The following PAPPA2 variants were observed in gnomAD, a reference collection of about 807,000 sequenced individuals.
PAPPA2 encodes pappalysin 2.
In PAPPA2, 86 loss-of-function variants were observed where a neutral mutation model predicts 176.4. The observed-to-expected ratio is 0.49, with a 90% CI of 0.41 to 0.58. PAPPA2 has a LOEUF of 0.58. Among genes scored for constraint, PAPPA2 ranks in the 20% least tolerant of loss-of-function variants. The pLI is 0.00. For missense variants in PAPPA2, 2,073 were observed against 2,256.9 expected (o/e 0.92, Z 1.65); for synonymous variants, 809 against 852.2 (o/e 0.95, Z 0.88).
intron 2 of PAPPA2, among the ~76,000 whole-genome samples, chr1:176,571,975 C>T (rs1448711843): frequency 6.6e-6 from 1 of 152,120 alleles, no homozygotes; most frequent in African/African-American, 2.4e-5. Flanking sequence ...AGATAAACCT[C>T]GAGATGAAGA....
At chr1:176,708,623 T>A (rs1660994339) in intron 10 of PAPPA2, among the ~76,000 whole-genome samples, 1 of 151,306 alleles carries the variant, frequency 6.6e-6, no homozygotes, top group African/African-American at 2.4e-5. Flanking sequence ...TTGAGTAGGT[T>A]TGGTGAAATG....
At chr1:176,691,544 A>T (rs1404861405) in intron 5 of PAPPA2, among the ~76,000 whole-genome samples, 2 of 152,226 alleles carry the variant, frequency 1.3e-5, no homozygotes, top group Non-Finnish European at 2.9e-5. Flanking sequence ...GTGAGGCAGT[A>T]TTTGACTGGT....
At chr1:176,735,864 A>G (rs570276272) in intron 12 of PAPPA2, among the ~76,000 whole-genome samples, 1 of 152,110 alleles carries the variant, frequency 6.6e-6, no homozygotes, top group South Asian at 2.1e-4. Context: ...CATGATACCA[A>G]TTCTCAGACC....
chr1:176,765,962 G>T (rs961404987), intron 15 of PAPPA2, 125 bp downstream of exon 15: 2 of 1,096,118 alleles, frequency 1.8e-6, no homozygotes, highest in Non-Finnish European at 2.6e-6. Flanking sequence ...AAACATGGGG[G>T]CTCTAACAAG....
chr1:176,614,658 G>A (rs533408711), intron 3 of PAPPA2, among the ~76,000 whole-genome samples: 3 of 152,092 alleles, frequency 2.0e-5, no homozygotes, highest in Admixed American at 6.6e-5. Context: ...TTACATGGAC[G>A]AGTTCTCTTT....
At chr1:176,781,693 A>G (rs1314926266) in intron 17 of PAPPA2, among the ~76,000 whole-genome samples, 1 of 152,008 alleles carries the variant, frequency 6.6e-6, no homozygotes, top group African/African-American at 2.4e-5. Flanking sequence ...AATGGTCTAG[A>G]TCACTGTTTC....
intron 2 of PAPPA2, among the ~76,000 whole-genome samples, chr1:176,564,078 TA>T (rs1483003660): frequency 6.6e-6 from 1 of 152,200 alleles, no homozygotes; most frequent in African/African-American, 2.4e-5. Context: ...TCCCCCCCAG[TA>T]AAATCCTACA....
At chr1:176,790,936 T>G (rs1203096956) in intron 18 of PAPPA2, among the ~76,000 whole-genome samples, 1 of 152,162 alleles carries the variant, frequency 6.6e-6, no homozygotes, top group Admixed American at 6.5e-5. Flanking sequence ...TTTCACTGGA[T>G]GAAACTCGTC....
chr1:176,603,661 T>G (rs1654451800), intron 3 of PAPPA2, among the ~76,000 whole-genome samples: 1 of 152,204 alleles, frequency 6.6e-6, no homozygotes, highest in Non-Finnish European at 1.5e-5. Flanking sequence ...TTCCTCCTTC[T>G]TGGAAGCATT....
intron 21 of PAPPA2, among the ~76,000 whole-genome samples, chr1:176,805,903 C>G (rs1665882599): frequency 6.8e-6 from 1 of 146,096 alleles, no homozygotes; most frequent in African/African-American, 2.5e-5. Context: ...GTGGGAGGAT[C>G]ACTTGAGTCC....
intron 1 of PAPPA2, among the ~76,000 whole-genome samples, chr1:176,544,281 A>G (rs1484691258): frequency 1.3e-5 from 2 of 152,222 alleles, no homozygotes; most frequent in Admixed American, 6.5e-5. Context: ...TTGCATACAT[A>G]AAAATGACAA....
At chr1:176,567,187 G>C (rs1021544600) in intron 2 of PAPPA2, among the ~76,000 whole-genome samples, 1 of 152,080 alleles carries the variant, frequency 6.6e-6, no homozygotes, top group Non-Finnish European at 1.5e-5. Flanking sequence ...TTTTTAAAGA[G>C]AACATCCAGT....
chr1:176,555,059 T>G (rs1316834418), intron 1 of PAPPA2, among the ~76,000 whole-genome samples: 2 of 151,594 alleles, frequency 1.3e-5, no homozygotes, highest in African/African-American at 4.9e-5. Context: ...TCCAAAACAC[T>G]ATTGATTTTT....
chr1:176,750,243 C>CAT (rs1317244654), intron 14 of PAPPA2, among the ~76,000 whole-genome samples: 1 of 151,956 alleles, frequency 6.6e-6, no homozygotes, highest in Non-Finnish European at 1.5e-5. Context: ...AAAAAAAATG[C>CAT]ATATAATTTT....
intron 3 of PAPPA2, among the ~76,000 whole-genome samples, chr1:176,632,684 C>G (rs1235316343): frequency 6.6e-6 from 1 of 152,152 alleles, no homozygotes; most frequent in Non-Finnish European, 1.5e-5. Context: ...ATAAACAGAG[C>G]TTCTTTGGTA....
At chr1:176,593,840 A>G (rs1191879247) in intron 2 of PAPPA2, among the ~76,000 whole-genome samples, 1 of 152,188 alleles carries the variant, frequency 6.6e-6, no homozygotes, top group Non-Finnish European at 1.5e-5. Flanking sequence ...TCATTCTACT[A>G]ACCCAGTGGT....
At chr1:176,700,910 A>T (rs943682167) in intron 8 of PAPPA2, among the ~76,000 whole-genome samples, 6 of 152,178 alleles carry the variant, frequency 3.9e-5, no homozygotes, top group African/African-American at 1.4e-4. Context: ...TCTGTCAATT[A>T]GAACTAGAAG....
intron 3 of PAPPA2, among the ~76,000 whole-genome samples, chr1:176,640,462 G>T (rs968057106): frequency 6.6e-6 from 1 of 150,878 alleles, no homozygotes; most frequent in African/African-American, 2.4e-5. Context: ...TCGTTCTTGC[G>T]ATAGTTTACT....
chr1:176,580,198 C>T (rs1009301452), intron 2 of PAPPA2, among the ~76,000 whole-genome samples: 5 of 152,108 alleles, frequency 3.3e-5, no homozygotes, highest in African/African-American at 9.7e-5. Flanking sequence ...AACCTCTGTC[C>T]TACCTTTTAC....
Sources: allele counts gnomAD v4.1 joint callset (sites outside exome capture counted in the v4.1 genomes callset), GRCh38; gene constraint gnomAD v4.1.1; transcripts MANE v1.5; gene names NCBI Gene and HGNC (gene_info 2026-07-23, HGNC 2026-07-21).